CDH4: variants seen among roughly 807,000 people sequenced by gnomAD.
CDH4 encodes the protein cadherin-4.
In CDH4, 33 loss-of-function variants were observed where a neutral mutation model predicts 86.0. The observed-to-expected ratio is 0.38, with a 90% CI of 0.29 to 0.51. The LOEUF (loss-of-function observed/expected upper bound fraction) is 0.51, where lower values mean the gene tolerates loss of function less well. Among genes scored for constraint, CDH4 ranks in the 20% least tolerant of loss-of-function variants. CDH4 has a pLI of 0.86. For synonymous variants in CDH4, 555 were observed against 549.4 expected, an observed-to-expected ratio of 1.01 and a Z score of -0.14; for missense variants, 1,114 against 1,307.4, an observed-to-expected ratio of 0.85 and a Z score of 2.28.
At position 61,298,240 on chromosome 20, in the gene CDH4, T is replaced by C. The variant is rs145058835; in HGVS notation, c.169+43303T>C. Among the ~76,000 whole-genome samples, 833 of 152,284 alleles carry C rather than the reference T, an allele frequency of 5.5e-3. 6 individuals are homozygous for C. The highest frequency in any genetic ancestry group is 0.019 in the African/African-American group (784 of 41,562). ...AGCACGATGACTCAGTCCTGACCGC[T>C]ATAAGCATCCCGGCCACCAGCTCTG... On this transcript the variant is annotated intron_variant, in intron 2 of 15. Coordinates refer to ENST00000614565, the MANE Select transcript of CDH4 (RefSeq NM_001794.5).
intron 2 of CDH4, among the ~76,000 whole-genome samples, chr20:61,493,193 T>C (rs1236462655): frequency 6.6e-6 from 1 of 152,238 alleles, no homozygotes; most frequent in Non-Finnish European, 1.5e-5. Flanking sequence ...AATACAGGCC[T>C]GTGTCAGTGC....
chr20:61,637,899 A>G lies in CDH4; in HGVS notation c.170-105664A>G, dbSNP rs567364001. Among the ~76,000 whole-genome samples the G allele has an allele frequency of 5.0e-4, 76 of 152,128 alleles. 1 individual carries two copies. The highest frequency in any genetic ancestry group is 1.7e-3 in the African/African-American group (72 of 41,490). On this transcript the variant is annotated intron_variant, in intron 2 of 15. Coordinates refer to ENST00000614565, the MANE Select transcript of CDH4 (RefSeq NM_001794.5). ...AGCCGGACATGGTGGTGGGTGCCTG[A>G]AAGCCCAGCTATTTGGGAGGCTGAG... is the stretch of plus-strand genomic sequence containing the variant.
chr20:61,282,312 T>C (rs1014526547), intron 2 of CDH4, among the ~76,000 whole-genome samples: 1 of 152,282 alleles, frequency 6.6e-6, no homozygotes, highest in East Asian at 1.9e-4. Flanking sequence ...TGAGCCAAGA[T>C]TGCGCCACTG....
chr20:61,783,771 C>T (rs72658795), intron 4 of CDH4, among the ~76,000 whole-genome samples: 16 of 111,092 alleles, frequency 1.4e-4, no homozygotes, highest in African/African-American at 3.6e-4. Flanking sequence ...CCTAGTTCCT[C>T]GGGACAGTTC....
intron 6 of CDH4, among the ~76,000 whole-genome samples, chr20:61,860,990 G>A (rs577880137): frequency 1.1e-4 from 17 of 152,286 alleles, no homozygotes; most frequent in African/African-American, 3.4e-4. Context: ...GGTCTAAAAA[G>A]GTGTGTTCTA....
At chr20:61,692,255 GTGTGTCTGTA>G (rs1456556334) in intron 2 of CDH4, among the ~76,000 whole-genome samples, 1 of 148,774 alleles carries the variant, frequency 6.7e-6, no homozygotes, top group African/African-American at 2.4e-5. Context: ...GTGTGTATGT[GTGTGTCTGTA>G]TGTGTGTCTT....
chr20:61,463,096 C>T (rs896050948), intron 2 of CDH4, among the ~76,000 whole-genome samples: 1 of 152,122 alleles, frequency 6.6e-6, no homozygotes, highest in Non-Finnish European at 1.5e-5. Flanking sequence ...TGGGAGTCTC[C>T]CTGCACAAAC....
intron 2 of CDH4, among the ~76,000 whole-genome samples, chr20:61,608,615 C>T (rs1316410973): frequency 2.0e-5 from 3 of 152,250 alleles, no homozygotes; most frequent in Non-Finnish European, 4.4e-5. Context: ...CAGCCAAGAA[C>T]GTGGTCCACC....
At chr20:61,505,808 C>T (rs1051270246) in intron 2 of CDH4, among the ~76,000 whole-genome samples, 3 of 151,484 alleles carry the variant, frequency 2.0e-5, no homozygotes, top group Non-Finnish European at 3.0e-5. Context: ...TCAGTCCTCA[C>T]GCTGCTTATG....
intron 2 of CDH4, among the ~76,000 whole-genome samples, chr20:61,698,747 G>A (rs1349145889): frequency 6.6e-6 from 1 of 152,236 alleles, no homozygotes; most frequent in Non-Finnish European, 1.5e-5. Context: ...CCCCCCCGCA[G>A]TGTGACAACC....
chr20:61,911,443 G>T (rs184299659), intron 9 of CDH4, among the ~76,000 whole-genome samples: 1 of 152,158 alleles, frequency 6.6e-6, no homozygotes, highest in Non-Finnish European at 1.5e-5. Context: ...CTTAGCAATC[G>T]TTTACAACTT....
At chr20:61,554,251 T>C (rs1361286376) in intron 2 of CDH4, among the ~76,000 whole-genome samples, 1 of 152,196 alleles carries the variant, frequency 6.6e-6, no homozygotes, top group Non-Finnish European at 1.5e-5. Flanking sequence ...CTGGTTCACA[T>C]TGCCCTTGGA....
At chr20:61,597,059 T>C (rs2086562010) in intron 2 of CDH4, among the ~76,000 whole-genome samples, 1 of 152,222 alleles carries the variant, frequency 6.6e-6, no homozygotes, top group Non-Finnish European at 1.5e-5. Flanking sequence ...GATTTCAAGG[T>C]GGTGCCAACT....
intron 2 of CDH4, among the ~76,000 whole-genome samples, chr20:61,273,771 T>C (rs1399683357): frequency 1.4e-5 from 2 of 143,294 alleles, no homozygotes; most frequent in African/African-American, 5.3e-5. Flanking sequence ...CTGTGCACAG[T>C]TTGGAGGAGT....
chr20:61,527,792 C>T (rs1000870436), intron 2 of CDH4, among the ~76,000 whole-genome samples: 6 of 152,080 alleles, frequency 3.9e-5, no homozygotes, highest in African/African-American at 1.2e-4. Flanking sequence ...CCAGAGGCAT[C>T]TCGGGTGGTG....
chr20:61,586,024 ATGGTGATGATG>A (rs2086470247), intron 2 of CDH4, among the ~76,000 whole-genome samples: 1 of 145,860 alleles, frequency 6.9e-6, no homozygotes, highest in Non-Finnish European at 1.5e-5. Context: ...TGTGATGGTG[ATGGTGATGATG>A]TGGTGATGAG....
chr20:61,565,083 G>GTGGTGGTTT (rs1555809017), intron 2 of CDH4, among the ~76,000 whole-genome samples: 1 of 131,002 alleles, frequency 7.6e-6, no homozygotes, highest in African/African-American at 2.8e-5. Context: ...GGTGGTGGTG[G>GTGGTGGTTT]TGGTGCTCTT....
In CDH4 at chr20:61,709,036, G is replaced by A. The variant is rs1261224701; in HGVS notation, c.170-34527G>A. Among the ~76,000 whole-genome samples, 3 of 152,322 alleles carry A rather than the reference G, an allele frequency of 2.0e-5. No individual in the cohort carries two copies. Among genetic ancestry groups the A allele is most frequent in the Admixed American group, 1.3e-4 (2 of 15,308 alleles). ...CAGGCTACACGGGCAGTGGGGCTGCGGCCCAGCTCAGGCCTGGCTCATGAT... is the reference window on the plus strand; with the variant it reads ...CAGGCTACACGGGCAGTGGGGCTGCAGCCCAGCTCAGGCCTGGCTCATGAT... On this transcript the variant is annotated intron_variant, in intron 2 of 15. Transcript: ENST00000614565. This position sits in a 1 kb window ranked among gnomAD's most constrained non-coding sequence, Gnocchi z 4.8.
chr20:61,504,240 GC>G (rs1383453713), intron 2 of CDH4, among the ~76,000 whole-genome samples: 1 of 152,220 alleles, frequency 6.6e-6, no homozygotes, highest in Non-Finnish European at 1.5e-5. Context: ...AGCCTCTGCT[GC>G]CCTCTGTGTT....
Sources: allele counts gnomAD v4.1 joint callset (sites outside exome capture counted in the v4.1 genomes callset), GRCh38; gene constraint gnomAD v4.1.1; non-coding constraint Gnocchi (gnomAD v3.1); transcripts MANE v1.5; gene names NCBI Gene and HGNC (gene_info 2026-07-23, HGNC 2026-07-21).